The following ANKRD36C variants were observed in gnomAD, a reference collection of about 807,000 sequenced individuals.
ANKRD36C encodes ankyrin repeat domain-containing protein 36C.
A neutral mutation model predicts 276.4 loss-of-function variants in ANKRD36C; 61 were observed. That is an observed-to-expected ratio of 0.22 (90% confidence interval 0.18 to 0.27). The LOEUF is 0.27. Among genes scored for constraint, ANKRD36C ranks in the 10% least tolerant of loss-of-function variants. The probability of loss-of-function intolerance (pLI) is 1.00; values close to 1 mark genes in which losing one functional copy is unlikely to be tolerated. For missense variants in ANKRD36C, 1,447 were observed against 2,032.3 expected, an observed-to-expected ratio of 0.71 and a Z score of 5.54; for synonymous variants, 483 against 680.1, an observed-to-expected ratio of 0.71 and a Z score of 4.51.
chr2:95,950,657 T>C, intron 16 of ANKRD36C, 92 bp downstream of exon 16: 8 of 1,419,958 alleles, frequency 5.6e-6, no homozygotes, highest in Non-Finnish European at 6.7e-6. Flanking sequence ...ATATGGTGTC[T>C]AGCACAGAGT....
At chr2:95,930,815 G>C (rs1045627659) in intron 24 of ANKRD36C, among the ~76,000 whole-genome samples, 1 of 150,042 alleles carries the variant, frequency 6.7e-6, no homozygotes, top group Non-Finnish European at 1.5e-5. Context: ...AGCAAACACA[G>C]CTTTCCAAAA....
At chr2:95,948,725 T>C in intron 16 of ANKRD36C, 129 bp from the exon 17 acceptor site, 1 of 733,394 alleles carries the variant, frequency 1.4e-6, no homozygotes. Context: ...AGGTCAGTTA[T>C]CCTTATATTA....
At chr2:95,894,449 C>A (rs1209636692) in intron 44 of ANKRD36C, among the ~76,000 whole-genome samples, 3 of 151,432 alleles carry the variant, frequency 2.0e-5, no homozygotes, top group African/African-American at 7.3e-5. Flanking sequence ...CATATTTCTA[C>A]AAAGTAAAAC....
chr2:95,923,596 T>C lies in ANKRD36C; in HGVS notation c.2071-29A>G, dbSNP rs533602114. Reference sequence around the variant, plus strand: ...AAAGTAATTTGAAGCAAATTATCAATAAAGAAAGTATGTTTCATGGACTAT... The same window carrying C: ...AAAGTAATTTGAAGCAAATTATCAACAAAGAAAGTATGTTTCATGGACTAT... On this transcript the variant is annotated intron_variant, in intron 31 of 66. Transcript: ENST00000456556. 3.7e-6 allele frequency: 6 copies of C among 1,608,646 alleles called. No individual in the cohort carries two copies. The African/African-American group carries it at 5.4e-5, about 14-fold the overall frequency.
At chr2:95,991,823 T>A (rs1679151516), upstream of ANKRD36C, 11 of 951,994 alleles carry the variant, frequency 1.2e-5, no homozygotes, top group East Asian at 2.6e-5. Flanking sequence ...TCGCACAGAC[T>A]CTCAGCGCCT....
chr2:95,914,595 A>C (rs1434085212), intron 38 of ANKRD36C, among the ~76,000 whole-genome samples: 1 of 151,536 alleles, frequency 6.6e-6, no homozygotes, highest in African/African-American at 2.4e-5. Context: ...TGATGAGAAC[A>C]TATGTGATCT....
At chr2:95,907,980 T>C (rs1026698983) in intron 42 of ANKRD36C, among the ~76,000 whole-genome samples, 8 of 150,546 alleles carry the variant, frequency 5.3e-5, no homozygotes, top group African/African-American at 1.5e-4. Flanking sequence ...CACTCAGGTT[T>C]TCTCAGCAGA....
At chr2:95,938,087 C>T (rs1251777638) in intron 22 of ANKRD36C, among the ~76,000 whole-genome samples, 1 of 152,100 alleles carries the variant, frequency 6.6e-6, no homozygotes, top group Non-Finnish European at 1.5e-5. Context: ...TGTGTGAAAG[C>T]GTACAGAAGA....
At chr2:95,849,052 C>A (rs1009980338), downstream of ANKRD36C, among the ~76,000 whole-genome samples, 1 of 151,846 alleles carries the variant, frequency 6.6e-6, no homozygotes, top group African/African-American at 2.4e-5. Context: ...TTTGTCAGCA[C>A]GTATTCTTTC....
In ANKRD36C at chr2:95,929,820, A is replaced by G. The variant is rs183247965; in HGVS notation, c.1736-553T>C. Reference sequence around the variant, plus strand: ...CTTGGATATATGTTTGGTGAATTCTAGTATGTAATATTCATTATTTTTCAC... The same window carrying G: ...CTTGGATATATGTTTGGTGAATTCTGGTATGTAATATTCATTATTTTTCAC... On this transcript the variant is annotated intron_variant, in intron 24 of 66. Transcript: ENST00000456556. Among the ~76,000 whole-genome samples the G allele has an allele frequency of 1.6e-4, 25 of 151,548 alleles. No individual in the cohort carries two copies. In the East Asian group the frequency reaches 4.9e-3, roughly 30 times the overall value.
chr2:95,907,711 T>G (rs1997258), intron 42 of ANKRD36C, among the ~76,000 whole-genome samples: 2 of 147,404 alleles, frequency 1.4e-5, no homozygotes, highest in Non-Finnish European at 3.0e-5. Context: ...CTAAAGAAGT[T>G]TCATTAAATA....
chr2:95,852,037 A>C, intron 65 of ANKRD36C, 89 bp downstream of exon 85: 1 of 1,310,054 alleles, frequency 7.6e-7, no homozygotes, highest in Non-Finnish European at 1.1e-6. Flanking sequence ...AAGACATACT[A>C]ATTATCATAA....
chr2:95,886,011 T>C (rs1676192783), intron 52 of ANKRD36C, 37 bp downstream of exon 72: 1 of 1,583,546 alleles, frequency 6.3e-7, no homozygotes, highest in African/African-American at 1.3e-5. Flanking sequence ...CTCTTCTATT[T>C]GATCGAACAT....
chr2:95,891,973 T>C, intron 44 of ANKRD36C, 113 bp from the exon 65 acceptor site: 1 of 1,505,642 alleles, frequency 6.6e-7, no homozygotes. Flanking sequence ...TAGCGTAGGC[T>C]TTGATGGCTT....
At chr2:95,916,296 T>C (rs1256974417) in intron 36 of ANKRD36C, 125 bp from the exon 39 acceptor site, 4 of 1,499,926 alleles carry the variant, frequency 2.7e-6, no homozygotes, top group African/African-American at 2.8e-5. Flanking sequence ...TGATGGCTTC[T>C]ACTTTGTGTC....
intron 6 of ANKRD36C, among the ~76,000 whole-genome samples, chr2:95,963,973 AT>A (rs1314818733): frequency 3.6e-5 from 1 of 27,506 alleles, no homozygotes; most frequent in African/African-American, 1.6e-4. Flanking sequence ...ATATATATAA[AT>A]ATATATATAT....
chr2:95,982,903 A>T (rs912891431), intron 3 of ANKRD36C, among the ~76,000 whole-genome samples: 4 of 145,444 alleles, frequency 2.8e-5, no homozygotes, highest in African/African-American at 1.0e-4. Context: ...AAATGTTACA[A>T]AACTGTGCAT....
At position 95,957,422 on chromosome 2, in the gene ANKRD36C, C is replaced by T. The variant is rs373084633; in HGVS notation, c.1106-606G>A. Among the ~76,000 whole-genome samples, 10 of 152,418 alleles carry T rather than the reference C, an allele frequency of 6.6e-5. No homozygotes were observed. The East Asian group carries it at 1.5e-3, about 23-fold the overall frequency. ...ATTCAAAGCTCCTCAGTGGAAGTGT[C>T]CTGAATTGGTCAGCTTGGATATATG... On this transcript the variant is annotated intron_variant, in intron 12 of 66. Transcript: ENST00000456556.
At chr2:95,880,691 A>T in intron 56 of ANKRD36C, 68 bp from the exon 77 acceptor site, 1 of 1,510,798 alleles carries the variant, frequency 6.6e-7, no homozygotes, top group Non-Finnish European at 9.0e-7. Flanking sequence ...ACATTTGTGG[A>T]GTGTTAACAT....
Sources: allele counts gnomAD v4.1 joint callset (sites outside exome capture counted in the v4.1 genomes callset), GRCh38; gene constraint gnomAD v4.1.1; transcripts MANE v1.5; gene names NCBI Gene and HGNC (gene_info 2026-07-23, HGNC 2026-07-21).